Variants in OSBPL3 observed in about 807,000 individuals in gnomAD.
OSBPL3 encodes oxysterol binding protein like 3, also known as oxysterol-binding protein-related protein 3.
A neutral mutation model predicts 120.1 loss-of-function variants in OSBPL3; 65 were observed. That is an observed-to-expected ratio of 0.54 (90% CI 0.44 to 0.67). The LOEUF is 0.67. Ranked by LOEUF, OSBPL3 falls within the 30% of genes least tolerant of loss-of-function variation. The pLI, the probability that OSBPL3 is intolerant of heterozygous loss-of-function variation, is 0.00. For synonymous variants in OSBPL3, 416 were observed against 402.6 expected, an observed-to-expected ratio of 1.03 and a Z score of -0.40; for missense variants, 1,004 against 1,082.1, an observed-to-expected ratio of 0.93 and a Z score of 1.01.
chr7:24,960,962 A>C (rs1271578968), intron 1 of OSBPL3, among the ~76,000 whole-genome samples: 1 of 152,218 alleles, frequency 6.6e-6, no homozygotes, highest in African/African-American at 2.4e-5. Flanking sequence ...AAATTTGCAA[A>C]AGGCAGGTAG....
In OSBPL3 at chr7:24,917,382, C is replaced by CATATAT. The variant is rs1266832261; in HGVS notation, c.-149-24767_-149-24762dup. 1.3e-3 allele frequency among the ~76,000 whole-genome samples: 130 copies of CATATAT among 97,036 alleles called. 2 individuals carry two copies. Among genetic ancestry groups the CATATAT allele is most frequent in the Non-Finnish European group, 2.0e-3 (97 of 49,606 alleles). 63.7% of individuals were successfully genotyped at this position (97,036 alleles called of 152,430 possible). A position where few individuals can be genotyped will look rare whatever the true frequency, so the allele number is the denominator to read the frequency against. The stretch of plus-strand genomic sequence containing the variant: ...ATCCTGGAGCATAGGATATTTGTAA[C>CATATAT]ATATATATATATTTGTAACATATAT... On this transcript the variant is annotated intron_variant, in intron 1 of 22. Coordinates refer to ENST00000313367, the MANE Select transcript of OSBPL3 (RefSeq NM_015550.4).
At chr7:24,903,693 A>C (rs1380930255) in intron 1 of OSBPL3, among the ~76,000 whole-genome samples, 1 of 152,168 alleles carries the variant, frequency 6.6e-6, no homozygotes, top group Non-Finnish European at 1.5e-5. Flanking sequence ...TGTGTCTGCC[A>C]ACACTCAATA....
intron 1 of OSBPL3, among the ~76,000 whole-genome samples, chr7:24,962,140 T>C (rs1336274961): frequency 6.6e-6 from 1 of 151,716 alleles, no homozygotes; most frequent in Non-Finnish European, 1.5e-5. Flanking sequence ...CCATCTCTAC[T>C]AATAATACAA....
intron 1 of OSBPL3, among the ~76,000 whole-genome samples, chr7:24,901,022 A>AG (rs1491507797): frequency 2.1e-5 from 1 of 47,278 alleles, no homozygotes; most frequent in East Asian, 1.2e-3. Context: ...CCTTGTCTCG[A>AG]AAAAAAAAAA....
intron 10 of OSBPL3, among the ~76,000 whole-genome samples, chr7:24,853,528 C>T (rs4470905): frequency 0.63 from 95,704 of 152,088 alleles, 30,474 homozygotes; most frequent in East Asian, 0.77. Context: ...GACAATGAAA[C>T]TGACTCAAGG....
chr7:24,804,427 C>G lies in OSBPL3; in HGVS notation c.2455G>C (p.Glu819Gln). 8 of 1,613,686 alleles carry G rather than the reference C, an allele frequency of 5.0e-6. No homozygotes were observed. The highest frequency in any genetic ancestry group is 6.8e-6 in the Non-Finnish European group (8 of 1,179,838). Residue 819 changes from glutamate (E) to glutamine (Q), a missense_variant, in exon 22 of 23, where the codon GAA (glutamate) becomes CAA (glutamine). Around this residue, in one of 4 missense-constraint regions of OSBPL3, gnomAD observed 473 missense variants for 568.0 expected, o/e 0.83. Coordinates refer to ENST00000313367, the MANE Select transcript of OSBPL3 (RefSeq NM_015550.4). The surrounding 1 kb of genome is among the most constrained non-coding windows in gnomAD (Gnocchi z 5.4). ...RFRPDQRFLEEGNLEEAEIQK... is the reference protein window; with the variant it reads ...RFRPDQRFLEQGNLEEAEIQK... Reference sequence around the variant, plus strand: ...ATTTCAGCTTCTTCTAAGTTCCCTTCCTCTAGAAACCTGAGGCATCGAGGA... The same window carrying G: ...ATTTCAGCTTCTTCTAAGTTCCCTTGCTCTAGAAACCTGAGGCATCGAGGA...
chr7:24,797,798 G>A lies in OSBPL3; in HGVS notation c.*2385C>T, dbSNP rs1791879237. 6.6e-6 allele frequency: 1 copy of A among 152,064 alleles called. No individual in the cohort carries two copies. The allele number at this position is 152,064 out of a possible 1,614,324, so 9.4% of individuals were successfully genotyped here. A position where few individuals can be genotyped will look rare whatever the true frequency, so the allele number is the denominator to read the frequency against. On this transcript the variant is annotated 3_prime_UTR_variant, in exon 23 of 23. Transcript: ENST00000313367. The surrounding 1 kb of genome is among the most constrained non-coding windows in gnomAD (Gnocchi z 4.8). ...ACAGTGATTAGCATTATTTAACCAG[G>A]AGATTTAAAGTCCAGAAAATTAAAT...
At position 24,896,955 on chromosome 7, in the gene OSBPL3, C is replaced by T. The variant is rs954116362; in HGVS notation, c.-149-4334G>A. Among the ~76,000 whole-genome samples, 2 of 151,944 alleles carry T rather than the reference C, an allele frequency of 1.3e-5. No homozygotes were observed. Among genetic ancestry groups the T allele is most frequent in the Non-Finnish European group, 2.9e-5 (2 of 68,000 alleles). On this transcript the variant is annotated intron_variant, in intron 1 of 22. Coordinates refer to ENST00000313367, the MANE Select transcript of OSBPL3 (RefSeq NM_015550.4). This position sits in a 1 kb window ranked among gnomAD's most constrained non-coding sequence, Gnocchi z 4.4. ...AGCATGGTGGTGCATGCCTGTAGTC[C>T]CAGCTACTCAGGAGGCTGAGGCAGG... is the stretch of plus-strand genomic sequence containing the variant.
At chr7:24,853,535 A>C (rs969122159) in intron 10 of OSBPL3, among the ~76,000 whole-genome samples, 5 of 152,264 alleles carry the variant, frequency 3.3e-5, no homozygotes, top group African/African-American at 1.2e-4. Flanking sequence ...AAACTGACTC[A>C]AGGGGCAACA....
rs1197142057 is a variant in OSBPL3 at position 24,894,821 on chromosome 7, C to A, written c.-149-2200G>T. Reference sequence around the variant, plus strand: ...AAAACAGAAACACCACAACCCTGTCCTAGAGGCAGCTGATACAGGGTCATC... The same window carrying A: ...AAAACAGAAACACCACAACCCTGTCATAGAGGCAGCTGATACAGGGTCATC... On this transcript the variant is annotated intron_variant, in intron 1 of 22. Coordinates refer to ENST00000313367, the MANE Select transcript of OSBPL3 (RefSeq NM_015550.4). The surrounding 1 kb of genome is among the most constrained non-coding windows in gnomAD (Gnocchi z 4.1). Among the ~76,000 whole-genome samples, 1 of 152,182 alleles carries A rather than the reference C, an allele frequency of 6.6e-6. No homozygotes were observed. Among genetic ancestry groups the A allele is most frequent in the Non-Finnish European group, 1.5e-5 (1 of 68,026 alleles).
rs941376840 is a variant in OSBPL3 at position 24,824,457 on chromosome 7, T to C, written c.1885-4219A>G. 9.2e-5 allele frequency among the ~76,000 whole-genome samples: 14 copies of C among 152,204 alleles called. No homozygotes were observed. Among genetic ancestry groups the C allele is most frequent in the African/African-American group, 3.4e-4 (14 of 41,462 alleles). On this transcript the variant is annotated intron_variant, in intron 16 of 22. Coordinates refer to ENST00000313367, the MANE Select transcript of OSBPL3 (RefSeq NM_015550.4). The surrounding 1 kb of genome is among the most constrained non-coding windows in gnomAD (Gnocchi z 4.9). ...GCCCTTCAGTACATCAGTTCTCCCC[T>C]GCAACTGCTCCAAGGCATAACTATC... is the stretch of plus-strand genomic sequence containing the variant.
intron 5 of OSBPL3, among the ~76,000 whole-genome samples, chr7:24,870,483 T>C (rs925500062): frequency 6.6e-6 from 1 of 152,192 alleles, no homozygotes; most frequent in Admixed American, 6.5e-5. Context: ...TTGTTGACTG[T>C]TGTCACAGTC....
In OSBPL3 at chr7:24,820,741, T is replaced by C. The variant is rs958572340; in HGVS notation, c.1885-503A>G. Among the ~76,000 whole-genome samples the C allele has an allele frequency of 2.6e-5, 4 of 151,350 alleles. No individual in the cohort carries two copies. The highest frequency in any genetic ancestry group is 2.1e-4 in the South Asian group (1 of 4,798). Reference sequence around the variant, plus strand: ...TTTAACTCTTGAAAACTCTGCATCATAAAGTCCAGCCTCTTTTCAAATCAC... The same window carrying C: ...TTTAACTCTTGAAAACTCTGCATCACAAAGTCCAGCCTCTTTTCAAATCAC... On this transcript the variant is annotated intron_variant, in intron 16 of 22. Transcript: ENST00000313367. The surrounding 1 kb of genome is among the most constrained non-coding windows in gnomAD (Gnocchi z 4.6).
chr7:24,880,437 C>T (rs543970828), intron 2 of OSBPL3, among the ~76,000 whole-genome samples: 7 of 152,190 alleles, frequency 4.6e-5, no homozygotes, highest in African/African-American at 1.2e-4. Context: ...TCTCCCCCAG[C>T]GGAACAAGTC....
At position 24,947,514 on chromosome 7, in the gene OSBPL3, C is replaced by T. The variant is rs1813868129; in HGVS notation, c.-150+32372G>A. Among the ~76,000 whole-genome samples, 1 of 152,178 alleles carries T rather than the reference C, an allele frequency of 6.6e-6. No homozygotes were observed. The highest frequency in any genetic ancestry group is 2.4e-5 in the African/African-American group (1 of 41,446). On this transcript the variant is annotated intron_variant, in intron 1 of 22. Transcript: ENST00000313367. The surrounding 1 kb of genome is among the most constrained non-coding windows in gnomAD (Gnocchi z 4.4). ...GCATATTTTTATTTCACAGAAACTACCTTTCCTCAGTCCCTATCAAGAAAT... is the reference window on the plus strand; with the variant it reads ...GCATATTTTTATTTCACAGAAACTATCTTTCCTCAGTCCCTATCAAGAAAT...
rs1810537565 is a variant in OSBPL3, at chr7:24,922,618, T to C, written c.-149-29997A>G. On this transcript the variant is annotated intron_variant, in intron 1 of 22. Transcript: ENST00000313367. This position sits in a 1 kb window ranked among gnomAD's most constrained non-coding sequence, Gnocchi z 4.3. ...CCCTAACCTTTCCTCCATTTCCTTA[T>C]GCCCTCTTCTTGTTCTCCTGTGACT... is the stretch of plus-strand genomic sequence containing the variant. Among the ~76,000 whole-genome samples the C allele has an allele frequency of 1.3e-5, 2 of 152,204 alleles. No homozygotes were observed. Among genetic ancestry groups the C allele is most frequent in the African/African-American group, 4.8e-5 (2 of 41,456 alleles).
chr7:24,882,538 A>C (rs1441351542), intron 2 of OSBPL3, among the ~76,000 whole-genome samples: 1 of 152,192 alleles, frequency 6.6e-6, no homozygotes, highest in African/African-American at 2.4e-5. Context: ...TGATATTGTA[A>C]ATACTGATGC....
Position 24,840,636 on chromosome 7 carries a change from T to C in OSBPL3, c.1495+54A>G, listed in dbSNP as rs145078575. ...GTTCAAGAGTCAACTATACAACTTA[T>C]TAGTATTGTATGAAAATCCAAACTT... On this transcript the variant is annotated intron_variant, in intron 14 of 22. Coordinates refer to ENST00000313367, the MANE Select transcript of OSBPL3 (RefSeq NM_015550.4). The C allele has an allele frequency of 6.5e-3, 4,760 of 727,162 alleles. 25 individuals carry two copies. The highest frequency in any genetic ancestry group is 8.6e-3 in the Non-Finnish European group (3,688 of 430,186). 45.0% of individuals were successfully genotyped at this position (727,162 alleles called of 1,614,324 possible). A position where few individuals can be genotyped will look rare whatever the true frequency, so the allele number is the denominator to read the frequency against.
Position 24,899,416 on chromosome 7 carries a change from A to C in OSBPL3, c.-149-6795T>G, listed in dbSNP as rs1443263708. ...GAGAAGTTGGGCTTCCTTCTTTCTG[A>C]AGCGGACTCCTTTACTTCCTTTAAC... On this transcript the variant is annotated intron_variant, in intron 1 of 22. Transcript: ENST00000313367. This position sits in a 1 kb window ranked among gnomAD's most constrained non-coding sequence, Gnocchi z 4.0. Among the ~76,000 whole-genome samples, 1 of 152,196 alleles carries C rather than the reference A, an allele frequency of 6.6e-6. No homozygotes were observed. The highest frequency in any genetic ancestry group is 1.5e-5 in the Non-Finnish European group (1 of 68,026).
Sources: allele counts gnomAD v4.1 joint callset (sites outside exome capture counted in the v4.1 genomes callset), GRCh38; gene constraint gnomAD v4.1.1; regional missense constraint gnomAD v4.1.1; non-coding constraint Gnocchi (gnomAD v3.1); transcripts MANE v1.5; gene names NCBI Gene and HGNC (gene_info 2026-07-23, HGNC 2026-07-21).